ARHGAP25: variants seen among roughly 807,000 people sequenced by gnomAD.
ARHGAP25 encodes the protein rho GTPase-activating protein 25.
ARHGAP25 carries 34 observed loss-of-function variants against 71.0 expected under a neutral mutation model. That is an observed-to-expected ratio of 0.48 (90% CI 0.36 to 0.64). The LOEUF (loss-of-function observed/expected upper bound fraction) is 0.64, where lower values mean the gene tolerates loss of function less well. Among genes scored for constraint, ARHGAP25 ranks in the 30% least tolerant of loss-of-function variants. The pLI is 0.00. For synonymous variants in ARHGAP25, 282 were observed against 296.5 expected (o/e 0.95, Z 0.50); for missense variants, 706 against 805.1 (o/e 0.88, Z 1.49).
chr2:68,788,035 C>T lies in ARHGAP25; in HGVS notation c.466+79C>T, dbSNP rs531265665. The T allele has an allele frequency of 2.0e-5, 22 of 1,123,876 alleles. No homozygotes were observed. In the African/African-American group the frequency reaches 2.6e-4, roughly 13 times the overall value. 69.6% of individuals were successfully genotyped at this position (1,123,876 alleles called of 1,614,324 possible). On this transcript the variant is annotated intron_variant, in intron 4 of 10. Transcript: ENST00000409202. ...AGGAAGTAGCTCCAATGTGATAGCT[C>T]CTTGAGCAGTGCTCAAGGGAGACAA...
At chr2:68,819,535 T>C (rs1055336281) in intron 9 of ARHGAP25, 6 of 695,056 alleles carry the variant, frequency 8.6e-6, no homozygotes, top group Non-Finnish European at 1.3e-5. Context: ...GAGTGACAAG[T>C]GTGCCAATCA....
chr2:68,826,051 G>A lies in ARHGAP25; in HGVS notation c.1798G>A (p.Glu600Lys). The change falls in exon 11 of 11, where the codon GAA becomes AAA. Residue 600 changes from glutamate (E) to lysine (K), a missense_variant. Glu to Lys is a moderately conservative substitution (Grantham distance 56). Transcript: ENST00000409202. ...VVRLNEELEK[E>K]KKKSAALEIS... ...GAGGCTCAATGAAGAACTGGAGAAG[G>A]AAAAGAAGAAGTCTGCAGCCCTAGA... 1 of 1,614,026 alleles carries A rather than the reference G, an allele frequency of 6.2e-7. No individual in the cohort carries two copies. The highest frequency in any genetic ancestry group is 8.5e-7 in the Non-Finnish European group (1 of 1,180,000).
In ARHGAP25 at chr2:68,826,412, C is replaced by T. The variant is rs1435105920; in HGVS notation, c.*218C>T. The T allele has an allele frequency of 3.0e-6, 2 of 666,328 alleles. No homozygotes were observed. Among genetic ancestry groups the T allele is most frequent in the Non-Finnish European group, 5.4e-6 (2 of 367,708 alleles). The allele number at this position is 666,328 out of a possible 1,614,324, so 41.3% of individuals were successfully genotyped here. A position where few individuals can be genotyped will look rare whatever the true frequency, so the allele number is the denominator to read the frequency against. ...ATCTCTGACCATCCATCGCTGTATT[C>T]AAATGGATTGTTTTATTCCATTCTG... is the stretch of plus-strand genomic sequence containing the variant. On this transcript the variant is annotated 3_prime_UTR_variant, in exon 11 of 11. Coordinates refer to ENST00000409202, the MANE Select transcript of ARHGAP25 (RefSeq NM_001007231.3).
At chr2:68,807,212 A>C (rs1249206728) in intron 4 of ARHGAP25, 61 bp from the exon 5 acceptor site, 1 of 1,569,470 alleles carries the variant, frequency 6.4e-7, no homozygotes, top group Non-Finnish European at 8.8e-7. Flanking sequence ...CAGAAAGTCA[A>C]GAAATAGTTC....
chr2:68,795,628 T>C (rs1679484423), intron 4 of ARHGAP25, among the ~76,000 whole-genome samples: 1 of 152,192 alleles, frequency 6.6e-6, no homozygotes, highest in Non-Finnish European at 1.5e-5. Context: ...TCTGAGAAGA[T>C]ACTTGATATG....
At chr2:68,738,530 G>T (rs1387985009) in intron 1 of ARHGAP25, among the ~76,000 whole-genome samples, 2 of 152,108 alleles carry the variant, frequency 1.3e-5, no homozygotes, top group African/African-American at 4.8e-5. Context: ...ACCAGCCTGG[G>T]TTATGGACTG....
intron 4 of ARHGAP25, among the ~76,000 whole-genome samples, chr2:68,800,149 C>A (rs1395648139): frequency 6.6e-6 from 1 of 151,778 alleles, no homozygotes; most frequent in Non-Finnish European, 1.5e-5. Flanking sequence ...GGAACTGATA[C>A]CCTGGGAAGG....
At chr2:68,766,371 C>T (rs1487419396) in intron 1 of ARHGAP25, among the ~76,000 whole-genome samples, 1 of 152,156 alleles carries the variant, frequency 6.6e-6, no homozygotes, top group East Asian at 1.9e-4. Context: ...CTCCACTTTG[C>T]CTTGTGCTGA....
chr2:68,819,348 A>G, intron 9 of ARHGAP25, 29 bp downstream of exon 9: 2 of 1,611,222 alleles, frequency 1.2e-6, no homozygotes, highest in Non-Finnish European at 8.5e-7. Flanking sequence ...TCCTGCTTCC[A>G]TTGGGTTCTT....
intron 1 of ARHGAP25, among the ~76,000 whole-genome samples, chr2:68,761,201 T>G (rs895877184): frequency 6.6e-6 from 1 of 151,984 alleles, no homozygotes; most frequent in Non-Finnish European, 1.5e-5. Context: ...AATAATAAAG[T>G]TAGGCCCTTA....
rs566657799 is a variant in ARHGAP25, at chr2:68,816,518, A to G, written c.881+156A>G. The G allele has an allele frequency of 2.6e-5, 17 of 648,920 alleles. No individual in the cohort carries two copies. In the African/African-American group the frequency reaches 2.7e-4, roughly 10 times the overall value. The allele number at this position is 648,920 out of a possible 1,614,324, so 40.2% of individuals were successfully genotyped here. ...ACATAGCACTGAAGTAGCTTCCTGT[A>G]TAATTTCAAGGATTCTGAAAACCTG... On this transcript the variant is annotated intron_variant, in intron 7 of 10. Coordinates refer to ENST00000409202, the MANE Select transcript of ARHGAP25 (RefSeq NM_001007231.3).
At chr2:68,722,800 C>T (rs1664949580) in intron 2 of ARHGAP25, among the ~76,000 whole-genome samples, 1 of 152,100 alleles carries the variant, frequency 6.6e-6, no homozygotes, top group Non-Finnish European at 1.5e-5. Flanking sequence ...GCACATGAGC[C>T]CTCAAGGACA....
intron 2 of ARHGAP25, among the ~76,000 whole-genome samples, chr2:68,711,526 T>A (rs35056627): frequency 0.057 from 8,750 of 152,194 alleles, 314 homozygotes; most frequent in East Asian, 0.11. Context: ...TTTTAAAAAA[T>A]TTTTTTAATA....
chr2:68,732,243 A>G (rs536033666), upstream of ARHGAP25, among the ~76,000 whole-genome samples: 6 of 152,180 alleles, frequency 3.9e-5, no homozygotes, highest in African/African-American at 1.4e-4. Context: ...GCCTTTCCGC[A>G]TCTGCACAAC....
chr2:68,816,147 C>A, intron 6 of ARHGAP25, 142 bp from the exon 7 acceptor site: 3 of 734,312 alleles, frequency 4.1e-6, no homozygotes, highest in African/African-American at 1.8e-5. Context: ...TTTTTTTAAA[C>A]CCACAGAACT....
chr2:68,760,277 C>T (rs990216893), intron 1 of ARHGAP25, among the ~76,000 whole-genome samples: 13 of 151,982 alleles, frequency 8.6e-5, no homozygotes, highest in South Asian at 2.1e-4. Flanking sequence ...AGATCAAGAA[C>T]AAGGCAAGGA....
chr2:68,811,056 T>C (rs1394024455), intron 5 of ARHGAP25, among the ~76,000 whole-genome samples: 1 of 152,176 alleles, frequency 6.6e-6, no homozygotes, highest in Admixed American at 6.5e-5. Flanking sequence ...TCCAGTTTCT[T>C]GAATTATCCT....
intron 5 of ARHGAP25, among the ~76,000 whole-genome samples, chr2:68,809,094 C>G (rs1302609647): frequency 1.3e-5 from 2 of 152,120 alleles, no homozygotes; most frequent in Admixed American, 6.5e-5. Flanking sequence ...GTATGACTGA[C>G]TCTTATTTGA....
intron 2 of ARHGAP25, among the ~76,000 whole-genome samples, chr2:68,723,098 G>C (rs1325674156): frequency 6.6e-6 from 1 of 152,200 alleles, no homozygotes; most frequent in Non-Finnish European, 1.5e-5. Context: ...GTTCATAGGA[G>C]TGTAGAATAT....
Sources: gnomAD v4.1 joint callset for allele counts (sites outside exome capture counted in the v4.1 genomes callset) on GRCh38, gnomAD v4.1.1 for gene constraint, MANE v1.5 for transcripts, NCBI Gene and HGNC (gene_info 2026-07-23, HGNC 2026-07-21) for gene names.